C5orf47: variants seen among roughly 807,000 people sequenced by gnomAD.
C5orf47 encodes the protein uncharacterized protein C5orf47.
In C5orf47, 20 loss-of-function variants were observed where a neutral mutation model predicts 20.6. That is an observed-to-expected ratio of 0.97 (90% CI 0.68 to 1.41). The LOEUF (loss-of-function observed/expected upper bound fraction) is 1.41, where lower values mean the gene tolerates loss of function less well. Ranked by LOEUF, C5orf47 falls within the 40% of genes most tolerant of loss-of-function variation. C5orf47 has a pLI of 0.00. For missense variants in C5orf47, 262 were observed against 238.4 expected (o/e 1.10, Z -0.65); for synonymous variants, 106 against 97.3 (o/e 1.09, Z -0.53).
At chr5:173,997,899 G>A (rs1316987485) in intron 1 of C5orf47, among the ~76,000 whole-genome samples, 1 of 152,112 alleles carries the variant, frequency 6.6e-6, no homozygotes, top group Non-Finnish European at 1.5e-5. Flanking sequence ...TTTGGGACTA[G>A]CCTTACAAAC....
chr5:174,008,838 AAAAG>A (rs1164881421), downstream of C5orf47, among the ~76,000 whole-genome samples: 403 of 150,480 alleles, frequency 2.7e-3, 1 homozygote, highest in African/African-American at 7.1e-3. Flanking sequence ...AAAAAAAAAA[AAAAG>A]AAAGAAAAAC....
chr5:173,998,663 G>C (rs1244555081), intron 2 of C5orf47, among the ~76,000 whole-genome samples: 1 of 152,208 alleles, frequency 6.6e-6, no homozygotes, highest in Non-Finnish European at 1.5e-5. Flanking sequence ...AATCTGAGAA[G>C]GATGAGCCAC....
chr5:173,992,069 T>C (rs1759007097), intron 1 of C5orf47, among the ~76,000 whole-genome samples: 1 of 152,192 alleles, frequency 6.6e-6, no homozygotes, highest in Non-Finnish European at 1.5e-5. Flanking sequence ...CATCTGGGTT[T>C]CCAAATTCGT....
chr5:174,001,516 G>A (rs771743632), intron 4 of C5orf47, among the ~76,000 whole-genome samples: 1 of 151,648 alleles, frequency 6.6e-6, no homozygotes, highest in Non-Finnish European at 1.5e-5. Context: ...CGTACCCTCT[G>A]AGGGTACAAT....
intron 1 of C5orf47, among the ~76,000 whole-genome samples, chr5:173,993,505 G>C (rs1759035856): frequency 6.6e-6 from 1 of 152,150 alleles, no homozygotes. Flanking sequence ...GCTGGGTGTG[G>C]TGGTGCGCGC....
chr5:173,995,894 A>G (rs574674193), intron 1 of C5orf47, among the ~76,000 whole-genome samples: 2 of 152,364 alleles, frequency 1.3e-5, no homozygotes, highest in South Asian at 4.1e-4. Flanking sequence ...CTGTTTGGAA[A>G]TGTACTGAAG....
In C5orf47 at chr5:174,002,700, A is replaced by C. The variant is rs558379728; in HGVS notation, c.*16+1469A>C. Among the ~76,000 whole-genome samples the C allele has an allele frequency of 2.0e-5, 3 of 152,306 alleles. No homozygotes were observed. In the South Asian group the frequency reaches 6.2e-4, roughly 32 times the overall value. On this transcript the variant is annotated intron_variant, in intron 4 of 4. Coordinates refer to ENST00000340147, the MANE Select transcript of C5orf47 (RefSeq NM_001144954.2). The stretch of plus-strand genomic sequence containing the variant: ...ATCAAAGTCAGGAAATTGAACATCA[A>C]TATCAAACATAATTTATAGCCTACA...
chr5:174,009,468 G>A (rs1043960212), downstream of C5orf47, among the ~76,000 whole-genome samples: 4 of 145,748 alleles, frequency 2.7e-5, no homozygotes, highest in African/African-American at 9.8e-5. Flanking sequence ...ATATGCATTT[G>A]GTGTTATAAG....
downstream of C5orf47, among the ~76,000 whole-genome samples, chr5:174,007,608 A>G (rs1581200466): frequency 7.1e-6 from 1 of 140,534 alleles, no homozygotes; most frequent in Non-Finnish European, 1.5e-5. Flanking sequence ...CTGAGGCTGG[A>G]GTGCAGTGAT....
chr5:174,009,053 G>C (rs1480177910), downstream of C5orf47, among the ~76,000 whole-genome samples: 1 of 152,074 alleles, frequency 6.6e-6, no homozygotes, highest in Non-Finnish European at 1.5e-5. Context: ...GAGAGCACAG[G>C]CAAGTTACAT....
At chr5:174,002,118 C>T (rs1444908205) in intron 4 of C5orf47, among the ~76,000 whole-genome samples, 1 of 151,800 alleles carries the variant, frequency 6.6e-6, no homozygotes, top group Non-Finnish European at 1.5e-5. Flanking sequence ...ACCACCATGC[C>T]TGGCTAGTTA....
downstream of C5orf47, among the ~76,000 whole-genome samples, chr5:174,007,349 G>A (rs985161291): frequency 6.6e-6 from 1 of 152,180 alleles, no homozygotes; most frequent in Non-Finnish European, 1.5e-5. Context: ...AAGGACTGTA[G>A]ACTACTACAA....
Position 173,989,348 on chromosome 5 carries a change from G to A in C5orf47, c.85G>A (p.Val29Ile). 1.3e-6 allele frequency: 2 copies of A among 1,502,024 alleles called. No individual in the cohort carries two copies. Among genetic ancestry groups the A allele is most frequent in the South Asian group, 2.6e-5 (2 of 76,712 alleles). The allele number at this position is 1,502,024 out of a possible 1,614,324, so 93.0% of individuals were successfully genotyped here. A position where few individuals can be genotyped will look rare whatever the true frequency, so the allele number is the denominator to read the frequency against. Residue 29 changes from valine (V) to isoleucine (I), a missense_variant, in exon 1 of 5, where the codon GTC (valine) becomes ATC (isoleucine). Transcript: ENST00000340147. ...CTTCGGCTCGCATCAGTGCAGTGGCGTCCTGCAACTGGGCGGCCGTGGAGC... is the reference window on the plus strand; with the variant it reads ...CTTCGGCTCGCATCAGTGCAGTGGCATCCTGCAACTGGGCGGCCGTGGAGC... Reference protein sequence around the residue: ...TRFGSHQCSGVLQLGGRGAQG... With the variant: ...TRFGSHQCSGILQLGGRGAQG...
chr5:174,001,120 T>C, intron 3 of C5orf47, 76 bp from the exon 4 acceptor site: 1 of 851,308 alleles, frequency 1.2e-6, no homozygotes, highest in South Asian at 1.6e-5. Context: ...TTGTATTCCA[T>C]AATGTATATT....
Position 173,989,354 on chromosome 5 carries a change from C to T in C5orf47, c.91C>T (p.Gln31Ter). 1 of 1,506,436 alleles carries T rather than the reference C, an allele frequency of 6.6e-7. No individual in the cohort carries two copies. Among genetic ancestry groups the T allele is most frequent in the Non-Finnish European group, 8.9e-7 (1 of 1,123,648 alleles). 93.3% of individuals were successfully genotyped at this position (1,506,436 alleles called of 1,614,324 possible). A position where few individuals can be genotyped will look rare whatever the true frequency, so the allele number is the denominator to read the frequency against. ...FGSHQCSGVL[Q>*]LGGRGAQGLW... ...CTCGCATCAGTGCAGTGGCGTCCTGCAACTGGGCGGCCGTGGAGCTCAAGG... is the reference window on the plus strand; with the variant it reads ...CTCGCATCAGTGCAGTGGCGTCCTGTAACTGGGCGGCCGTGGAGCTCAAGG... Residue 31 changes from glutamine (Q) to a stop codon, truncating the protein, a stop_gained, in exon 1 of 5, where the codon CAA becomes TAA. Coordinates refer to ENST00000340147, the MANE Select transcript of C5orf47 (RefSeq NM_001144954.2). LOFTEE classifies it high-confidence loss of function.
At chr5:173,997,428 T>C (rs565824573) in intron 1 of C5orf47, among the ~76,000 whole-genome samples, 1 of 152,324 alleles carries the variant, frequency 6.6e-6, no homozygotes, top group East Asian at 1.9e-4. Flanking sequence ...CATGGTTTAG[T>C]GAGTATTCAG....
intron 1 of C5orf47, among the ~76,000 whole-genome samples, chr5:173,995,985 C>G (rs989030301): frequency 6.6e-6 from 1 of 152,190 alleles, no homozygotes; most frequent in South Asian, 2.1e-4. Flanking sequence ...GTTCCCTGTC[C>G]TTACAGAACT....
downstream of C5orf47, among the ~76,000 whole-genome samples, chr5:174,006,921 G>A (rs1031637314): frequency 2.0e-5 from 3 of 152,188 alleles, no homozygotes; most frequent in African/African-American, 4.8e-5. Context: ...TTCCCAACAA[G>A]TTGCACCCAA....
At chr5:174,002,369 A>G (rs1320115583) in intron 4 of C5orf47, among the ~76,000 whole-genome samples, 2 of 152,350 alleles carry the variant, frequency 1.3e-5, no homozygotes, top group Middle Eastern at 3.4e-3. Flanking sequence ...TAAGAAAGGT[A>G]TAAAAGTATA....
Sources: gnomAD v4.1 joint callset for allele counts (sites outside exome capture counted in the v4.1 genomes callset) on GRCh38, gnomAD v4.1.1 for gene constraint, MANE v1.5 for transcripts, NCBI Gene and HGNC (gene_info 2026-07-23, HGNC 2026-07-21) for gene names.